Variants in CDKAL1 observed in about 807,000 individuals in gnomAD.
CDKAL1 encodes threonylcarbamoyladenosine tRNA methylthiotransferase.
In CDKAL1, 32 loss-of-function variants were observed where a neutral mutation model predicts 68.2. The observed-to-expected ratio is 0.47, with a 90% CI of 0.35 to 0.63. CDKAL1 has a LOEUF of 0.63. CDKAL1 is among the 30% of genes least tolerant of loss of function. The probability of loss-of-function intolerance (pLI) is 0.00; values close to 1 mark genes in which losing one functional copy is unlikely to be tolerated. For missense variants in CDKAL1, 606 were observed against 696.7 expected (o/e 0.87, Z 1.47); for synonymous variants, 234 against 244.3 (o/e 0.96, Z 0.39).
At chr6:20,575,578 T>C (rs1488369884) in intron 4 of CDKAL1, among the ~76,000 whole-genome samples, 1 of 152,156 alleles carries the variant, frequency 6.6e-6, no homozygotes, top group African/African-American at 2.4e-5. Flanking sequence ...ATATATTTTT[T>C]CAGAAACCAC....
intron 10 of CDKAL1, among the ~76,000 whole-genome samples, chr6:20,964,478 C>T (rs578250971): frequency 5.3e-5 from 8 of 152,278 alleles, no homozygotes; most frequent in Admixed American, 2.6e-4. Context: ...AAAAAAAGAA[C>T]GAAATCATGT....
At chr6:20,994,725 A>C (rs1252903804) in intron 10 of CDKAL1, among the ~76,000 whole-genome samples, 2 of 152,234 alleles carry the variant, frequency 1.3e-5, no homozygotes, top group Non-Finnish European at 2.9e-5. Context: ...ATTATAGTCT[A>C]GTAAGTATAC....
At chr6:21,021,492 A>G (rs901034357) in intron 11 of CDKAL1, among the ~76,000 whole-genome samples, 2 of 152,334 alleles carry the variant, frequency 1.3e-5, no homozygotes, top group East Asian at 1.9e-4. Context: ...ACACAAAAAT[A>G]TGAAGGAAAA....
At chr6:20,790,687 T>TA (rs1366823887) in intron 8 of CDKAL1, among the ~76,000 whole-genome samples, 2 of 152,168 alleles carry the variant, frequency 1.3e-5, no homozygotes, top group African/African-American at 4.8e-5. Flanking sequence ...AGCATGAGCT[T>TA]ACACTGACAA....
intron 9 of CDKAL1, among the ~76,000 whole-genome samples, chr6:20,933,529 TTATAAA>T (rs759484183): frequency 1.3e-4 from 20 of 152,236 alleles, no homozygotes; most frequent in Admixed American, 3.3e-4. Flanking sequence ...TCTAGAAACC[TTATAAA>T]TATATGACTG....
chr6:20,732,746 A>G (rs577103272), intron 5 of CDKAL1, among the ~76,000 whole-genome samples: 24 of 152,006 alleles, frequency 1.6e-4, no homozygotes, highest in Admixed American at 4.6e-4. Context: ...ACCATTTTCT[A>G]ATTTCTGCAG....
intron 4 of CDKAL1, among the ~76,000 whole-genome samples, chr6:20,644,266 G>A (rs917184705): frequency 6.6e-6 from 1 of 152,016 alleles, no homozygotes; most frequent in Non-Finnish European, 1.5e-5. Context: ...CTGGCACGTA[G>A]TGAATCCTGA....
At chr6:20,892,512 AC>A (rs1274681827) in intron 9 of CDKAL1, among the ~76,000 whole-genome samples, 1 of 152,140 alleles carries the variant, frequency 6.6e-6, no homozygotes, top group Non-Finnish European at 1.5e-5. Context: ...TGGCTAGGTG[AC>A]CCAGGGGTGA....
intron 13 of CDKAL1, among the ~76,000 whole-genome samples, chr6:21,112,728 C>T (rs1377550347): frequency 1.3e-5 from 2 of 152,128 alleles, no homozygotes; most frequent in Non-Finnish European, 2.9e-5. Context: ...GATAAGTTAG[C>T]CTATGAGTAG....
chr6:20,695,505 T>G (rs1771070595), intron 5 of CDKAL1, among the ~76,000 whole-genome samples: 1 of 152,166 alleles, frequency 6.6e-6, no homozygotes, highest in Admixed American at 6.5e-5. Flanking sequence ...TCTCCAGATA[T>G]CAAGTTATAA....
At chr6:21,230,812 TAAA>T in intron 15 of CDKAL1, 33 bp from the exon 16 acceptor site, 1 of 1,517,500 alleles carries the variant, frequency 6.6e-7, no homozygotes, top group Non-Finnish European at 8.9e-7. Context: ...TCTCTGCATC[TAAA>T]AATAATTTTT....
chr6:20,849,480 G>A (rs1758887773), intron 9 of CDKAL1, among the ~76,000 whole-genome samples: 1 of 151,770 alleles, frequency 6.6e-6, no homozygotes, highest in Non-Finnish European at 1.5e-5. Flanking sequence ...CTACTTGGGA[G>A]GCGGAGGCAG....
chr6:20,686,559 G>A (rs1167860802), intron 5 of CDKAL1, among the ~76,000 whole-genome samples: 1 of 152,270 alleles, frequency 6.6e-6, no homozygotes, highest in South Asian at 2.1e-4. Context: ...GGTGAGTTGT[G>A]TAACTATTTC....
chr6:20,817,237 T>TA (rs1777084082), intron 8 of CDKAL1, among the ~76,000 whole-genome samples: 1 of 152,124 alleles, frequency 6.6e-6, no homozygotes, highest in Non-Finnish European at 1.5e-5. Context: ...GGCTCCAGTG[T>TA]AAAAAATAGG....
chr6:20,996,719 A>G (rs1767133004), intron 10 of CDKAL1, among the ~76,000 whole-genome samples: 1 of 152,248 alleles, frequency 6.6e-6, no homozygotes, highest in African/African-American at 2.4e-5. Flanking sequence ...AATGTGACAC[A>G]GAGATACGAA....
intron 11 of CDKAL1, among the ~76,000 whole-genome samples, chr6:21,054,642 A>T (rs540234259): frequency 6.6e-6 from 1 of 152,138 alleles, no homozygotes; most frequent in South Asian, 2.1e-4. Context: ...AAGTTTTAAG[A>T]TGGTTTCTTT....
chr6:21,003,343 A>AATATATATATATATACAT lies in CDKAL1; in HGVS notation c.1055+2986_1055+2987insCATATATATATATATATA, dbSNP rs1554159045. On this transcript the variant is annotated intron_variant, in intron 11 of 15. Coordinates refer to ENST00000274695, the MANE Select transcript of CDKAL1 (RefSeq NM_017774.3). The stretch of plus-strand genomic sequence containing the variant: ...CAACATGGTGAAACCATCTCTACTA[A>AATATATATATATATACAT]ATATATATATATATATATATATATA... Among the ~76,000 whole-genome samples, 35 of 40,446 alleles carry AATATATATATATATACAT rather than the reference A, an allele frequency of 8.7e-4. 2 individuals carry two copies. The highest frequency in any genetic ancestry group is 3.1e-3 in the African/African-American group (35 of 11,298). The allele number at this position is 40,446 out of a possible 152,430, so 26.5% of individuals were successfully genotyped here.
chr6:20,891,619 C>T (rs1176606772), intron 9 of CDKAL1, among the ~76,000 whole-genome samples: 1 of 151,734 alleles, frequency 6.6e-6, no homozygotes, highest in Non-Finnish European at 1.5e-5. Context: ...GCTGCAACCT[C>T]CGCCTCCCGG....
chr6:20,788,132 G>A (rs1362341791), intron 8 of CDKAL1, among the ~76,000 whole-genome samples: 5 of 152,136 alleles, frequency 3.3e-5, no homozygotes, highest in African/African-American at 1.2e-4. Context: ...AATTAGCAAA[G>A]CTTCTAGTAT....
Sources: gnomAD v4.1 joint callset for allele counts (sites outside exome capture counted in the v4.1 genomes callset) on GRCh38, gnomAD v4.1.1 for gene constraint, MANE v1.5 for transcripts, NCBI Gene and HGNC (gene_info 2026-07-23, HGNC 2026-07-21) for gene names.